The following BMP5 variants were observed in gnomAD, a reference collection of about 807,000 sequenced individuals.
The protein encoded by BMP5 is bone morphogenetic protein 5.
BMP5 carries 23 observed loss-of-function variants against 46.6 expected under a neutral mutation model. The observed-to-expected ratio is 0.49, with a 90% CI of 0.35 to 0.70. The LOEUF is 0.70. Ranked by LOEUF, BMP5 falls within the 30% of genes least tolerant of loss-of-function variation. The probability of loss-of-function intolerance (pLI) is 0.00; values close to 1 mark genes in which losing one functional copy is unlikely to be tolerated. For missense variants in BMP5, 545 were observed against 565.6 expected (o/e 0.96, Z 0.37); for synonymous variants, 204 against 191.9 (o/e 1.06, Z -0.52).
rs1775921357 is a variant in BMP5, at chr6:55,803,966, G to T, written c.684-9539C>A. Among the ~76,000 whole-genome samples the T allele has an allele frequency of 2.0e-5, 3 of 152,156 alleles. No homozygotes were observed. The South Asian group carries it at 6.2e-4, about 32-fold the overall frequency. ...TTTAGACCCATCACAAGATAGAGAA[G>T]CAACAGCCTTACAAGAACTATTTAA... On this transcript the variant is annotated intron_variant, in intron 2 of 6. Transcript: ENST00000370830.
intron 1 of BMP5, among the ~76,000 whole-genome samples, chr6:55,861,654 G>C (rs1419300634): frequency 1.3e-5 from 2 of 152,124 alleles, no homozygotes; most frequent in African/African-American, 2.4e-5. Context: ...TCTATCAAAA[G>C]CCCGTAACAG....
chr6:55,762,429 G>T (rs548369293), intron 4 of BMP5, among the ~76,000 whole-genome samples: 39 of 152,128 alleles, frequency 2.6e-4, no homozygotes, highest in African/African-American at 8.4e-4. Flanking sequence ...ACAAGCTAAT[G>T]ATTAAATTTT....
intron 1 of BMP5, among the ~76,000 whole-genome samples, chr6:55,853,465 C>G (rs1353153680): frequency 6.6e-6 from 1 of 151,826 alleles, no homozygotes; most frequent in African/African-American, 2.4e-5. Context: ...TAGAGCAAGC[C>G]CCTCTGGGTT....
At chr6:55,871,585 T>G (rs1777788828) in intron 1 of BMP5, among the ~76,000 whole-genome samples, 1 of 151,900 alleles carries the variant, frequency 6.6e-6, no homozygotes, top group Admixed American at 6.6e-5. Flanking sequence ...AATATAAAGC[T>G]AATCTCATCT....
In BMP5 at chr6:55,851,813, T is replaced by C. The variant is rs545589712; in HGVS notation, c.490+22563A>G. 5.9e-5 allele frequency among the ~76,000 whole-genome samples: 9 copies of C among 152,178 alleles called. No individual in the cohort carries two copies. In the East Asian group the frequency reaches 1.5e-3, roughly 26 times the overall value. On this transcript the variant is annotated intron_variant, in intron 1 of 6. Coordinates refer to ENST00000370830, the MANE Select transcript of BMP5 (RefSeq NM_021073.4). The stretch of plus-strand genomic sequence containing the variant: ...ACCTGATAATAAAAAAAATCTACAT[T>C]CCCTCTAGTAAATCACAGAAAAGAT...
At chr6:55,849,320 T>A (rs1777168400) in intron 1 of BMP5, among the ~76,000 whole-genome samples, 1 of 152,052 alleles carries the variant, frequency 6.6e-6, no homozygotes, top group South Asian at 2.1e-4. Context: ...TTCTTATGTA[T>A]GTGCGTACCT....
At chr6:55,764,401 G>A (rs976872030) in intron 4 of BMP5, among the ~76,000 whole-genome samples, 95 of 152,030 alleles carry the variant, frequency 6.2e-4, no homozygotes, top group African/African-American at 2.2e-3. Context: ...GTGAAACCCC[G>A]TCTCTACTAA....
intron 3 of BMP5, among the ~76,000 whole-genome samples, chr6:55,791,027 C>T (rs544246986): frequency 6.6e-6 from 1 of 152,312 alleles, no homozygotes; most frequent in Admixed American, 6.5e-5. Flanking sequence ...TAATAGTTTA[C>T]AAATGAATTT....
At chr6:55,817,374 G>C (rs747459010) in intron 2 of BMP5, among the ~76,000 whole-genome samples, 6 of 151,808 alleles carry the variant, frequency 4.0e-5, no homozygotes, top group Non-Finnish European at 7.4e-5. Context: ...TGATAGACTG[G>C]ATTAAGAAAA....
At chr6:55,860,536 T>C (rs1777505957) in intron 1 of BMP5, among the ~76,000 whole-genome samples, 1 of 152,192 alleles carries the variant, frequency 6.6e-6, no homozygotes, top group Non-Finnish European at 1.5e-5. Flanking sequence ...TTCACACTTC[T>C]AGCATTACAA....
intron 1 of BMP5, among the ~76,000 whole-genome samples, chr6:55,865,663 CAA>C (rs992087572): frequency 6.6e-6 from 1 of 152,132 alleles, no homozygotes; most frequent in Non-Finnish European, 1.5e-5. Context: ...ATTTATTTGA[CAA>C]AGTCTTGTAG....
rs536623963 is a variant in BMP5, at chr6:55,829,256, G to T, written c.491-9409C>A. Among the ~76,000 whole-genome samples the T allele has an allele frequency of 5.9e-5, 9 of 151,680 alleles. No homozygotes were observed. The East Asian group carries it at 1.6e-3, about 26-fold the overall frequency. On this transcript the variant is annotated intron_variant, in intron 1 of 6. Transcript: ENST00000370830. ...CAGCACTTTTGTTTTGCTTACTACC[G>T]TACACTCTTCCTTACCTCAATCCCT...
rs1426275429 is a variant in BMP5 at position 55,767,617 on chromosome 6, C to T, written c.1027+6432G>A. The stretch of plus-strand genomic sequence containing the variant: ...GAGCTAGCTAACGACATACTATATG[C>T]ATCAACATACTTGTTTCAGGAGGGG... On this transcript the variant is annotated intron_variant, in intron 4 of 6. Coordinates refer to ENST00000370830, the MANE Select transcript of BMP5 (RefSeq NM_021073.4). Among the ~76,000 whole-genome samples the T allele has an allele frequency of 2.0e-5, 3 of 151,936 alleles. No individual in the cohort carries two copies. In the East Asian group the frequency reaches 5.8e-4, roughly 29 times the overall value.
intron 1 of BMP5, among the ~76,000 whole-genome samples, chr6:55,863,456 C>T (rs1777569475): frequency 6.6e-6 from 1 of 152,130 alleles, no homozygotes; most frequent in African/African-American, 2.4e-5. Context: ...TCAATTTTTA[C>T]ATCAATACAT....
intron 4 of BMP5, among the ~76,000 whole-genome samples, chr6:55,768,610 G>A (rs988735089): frequency 2.6e-5 from 4 of 152,034 alleles, no homozygotes; most frequent in Non-Finnish European, 5.9e-5. Flanking sequence ...AAGAGCACCT[G>A]TATACCAAAG....
At chr6:55,833,172 ATTT>A (rs34109897) in intron 1 of BMP5, among the ~76,000 whole-genome samples, 1 of 152,162 alleles carries the variant, frequency 6.6e-6, no homozygotes, top group Non-Finnish European at 1.5e-5. Flanking sequence ...ACTAGGGAGC[ATTT>A]TCAGTAATCT....
intron 1 of BMP5, among the ~76,000 whole-genome samples, chr6:55,865,972 C>T (rs1777631316): frequency 6.6e-6 from 1 of 152,156 alleles, no homozygotes; most frequent in African/African-American, 2.4e-5. Context: ...AACCAAATGA[C>T]CCTTCTTCAC....
chr6:55,783,995 C>T (rs923756103), intron 3 of BMP5, among the ~76,000 whole-genome samples: 1 of 151,932 alleles, frequency 6.6e-6, no homozygotes, highest in Non-Finnish European at 1.5e-5. Flanking sequence ...AATTTTAAAA[C>T]CTTTTTTCAT....
At chr6:55,776,671 T>C (rs2127522267) in intron 3 of BMP5, among the ~76,000 whole-genome samples, 1 of 150,520 alleles carries the variant, frequency 6.6e-6, no homozygotes. Flanking sequence ...ATGTATGATC[T>C]TTCTAATACT....
Sources: gnomAD v4.1 joint callset for allele counts (sites outside exome capture counted in the v4.1 genomes callset) on GRCh38, gnomAD v4.1.1 for gene constraint, MANE v1.5 for transcripts, NCBI Gene and HGNC (gene_info 2026-07-23, HGNC 2026-07-21) for gene names.